GABBR2: variants seen among roughly 807,000 people sequenced by gnomAD.
GABBR2 encodes gamma-aminobutyric acid type B receptor subunit 2.
GABBR2 carries 23 observed loss-of-function variants against 105.6 expected under a neutral mutation model. The ratio of observed to expected loss-of-function variants is 0.22; its 90% CI spans 0.16 to 0.31. The LOEUF (loss-of-function observed/expected upper bound fraction) is 0.31, where lower values mean the gene tolerates loss of function less well. Ranked by LOEUF, GABBR2 falls within the 10% of genes least tolerant of loss-of-function variation. The pLI is 1.00. For missense variants in GABBR2, 734 were observed against 1,245.5 expected (o/e 0.59, Z 6.18); for synonymous variants, 478 against 499.7 (o/e 0.96, Z 0.58).
chr9:98,306,910 T>C lies in GABBR2; in HGVS notation c.2005-565A>G, dbSNP rs1394353734. Among the ~76,000 whole-genome samples, 2 of 152,194 alleles carry C rather than the reference T, an allele frequency of 1.3e-5. No homozygotes were observed. The highest frequency in any genetic ancestry group is 2.9e-5 in the Non-Finnish European group (2 of 68,034). On this transcript the variant is annotated intron_variant, in intron 14 of 18. Coordinates refer to ENST00000259455, the MANE Select transcript of GABBR2 (RefSeq NM_005458.8). This position sits in a 1 kb window ranked among gnomAD's most constrained non-coding sequence, Gnocchi z 5.4. ...TGGCATATTGCTAGCTTCTGGACAA[T>C]GCCTGTAAATAGAAGTGGTGTGCAC...
At chr9:98,566,930 C>T (rs1828759821) in intron 2 of GABBR2, among the ~76,000 whole-genome samples, 1 of 152,040 alleles carries the variant, frequency 6.6e-6, no homozygotes, top group African/African-American at 2.4e-5. Flanking sequence ...TATCTCTCAT[C>T]CCAACCTTAT....
intron 5 of GABBR2, among the ~76,000 whole-genome samples, chr9:98,478,359 T>C (rs555083193): frequency 6.6e-6 from 1 of 152,090 alleles, no homozygotes; most frequent in Non-Finnish European, 1.5e-5. Flanking sequence ...TTGAACAGTC[T>C]CCTTAGGACC....
chr9:98,369,410 G>A (rs1472708580), intron 12 of GABBR2, among the ~76,000 whole-genome samples: 1 of 152,202 alleles, frequency 6.6e-6, no homozygotes, highest in Non-Finnish European at 1.5e-5. Context: ...AGAGGTGGGT[G>A]GGGGGCCTGA....
At chr9:98,684,169 TAAAAAAAAA>T (rs3032196) in intron 1 of GABBR2, among the ~76,000 whole-genome samples, 39 of 66,118 alleles carry the variant, frequency 5.9e-4, no homozygotes, top group African/African-American at 8.8e-4. Context: ...TTTACCACGG[TAAAAAAAAA>T]AAAAAAAAAA....
intron 6 of GABBR2, among the ~76,000 whole-genome samples, chr9:98,470,511 C>T (rs1238428269): frequency 6.6e-6 from 1 of 152,158 alleles, no homozygotes; most frequent in African/African-American, 2.4e-5. Flanking sequence ...AATTATCTCC[C>T]ACCGGGTCCC....
At chr9:98,465,967 T>TGTTCTCATGCTAGTGAGTGC (rs1232325170) in intron 6 of GABBR2, among the ~76,000 whole-genome samples, 1 of 152,230 alleles carries the variant, frequency 6.6e-6, no homozygotes, top group Non-Finnish European at 1.5e-5. Flanking sequence ...TTCCCCTTGC[T>TGTTCTCATGCTAGTGAGTGC]GTTCTCATGC....
chr9:98,362,752 T>C lies in GABBR2; in HGVS notation c.1856A>G (p.Asp619Gly). The change falls in exon 13 of 19, where the codon GAC becomes GGC. Residue 619 changes from aspartate (D) to glycine (G), a missense_variant. Physicochemically the swap from Asp to Gly is moderately conservative, Grantham distance 94. Coordinates refer to ENST00000259455, the MANE Select transcript of GABBR2 (RefSeq NM_005458.8). ...LCILICWQAV[D>G]PLRRTVEKYS... ...CTTCTCCACTGTCCTTCGCAGGGGG[T>C]CCACAGCCTGCCAGCAGATCAGGAT... is the stretch of plus-strand genomic sequence containing the variant. 2 of 1,603,676 alleles carry C rather than the reference T, an allele frequency of 1.2e-6. No individual in the cohort carries two copies. Among genetic ancestry groups the C allele is most frequent in the East Asian group, 2.3e-5 (1 of 44,142 alleles).
At position 98,708,596 on chromosome 9, in the gene GABBR2, G is replaced by T. The variant is rs763768715; in HGVS notation, c.142C>A (p.Arg48=). The T allele has an allele frequency of 6.3e-6, 9 of 1,436,640 alleles. No individual in the cohort carries two copies. Among genetic ancestry groups the T allele is most frequent in the East Asian group, 2.8e-5 (1 of 35,140 alleles). The allele number at this position is 1,436,640 out of a possible 1,614,324, so 89.0% of individuals were successfully genotyped here. The change falls in exon 1 of 19, where the codon CGG becomes AGG. Residue 48 remains arginine, a synonymous_variant. Coordinates refer to ENST00000259455, the MANE Select transcript of GABBR2 (RefSeq NM_005458.8). ...AGCGGCGGGCTGCTGGGCGGCGGCC[G>T]GGGGGCGCCCCGCGCCCAGCCCCAG... ...GAWGWARGAP[R]PPPSSPPLSI...
At chr9:98,619,112 A>T (rs577011241) in intron 1 of GABBR2, among the ~76,000 whole-genome samples, 48 of 152,290 alleles carry the variant, frequency 3.2e-4, no homozygotes, top group African/African-American at 1.1e-3. Flanking sequence ...TATATTTTCA[A>T]TTTTGAGGGT....
At chr9:98,323,550 C>T (rs1422871391) in intron 13 of GABBR2, among the ~76,000 whole-genome samples, 1 of 152,168 alleles carries the variant, frequency 6.6e-6, no homozygotes. Flanking sequence ...GGTGGTTGGC[C>T]TTGGGCTTGG....
chr9:98,649,587 C>G (rs993546214), intron 1 of GABBR2, among the ~76,000 whole-genome samples: 1 of 152,162 alleles, frequency 6.6e-6, no homozygotes, highest in African/African-American at 2.4e-5. Context: ...AAGAAGAATG[C>G]GTTCCTCCTC....
intron 6 of GABBR2, among the ~76,000 whole-genome samples, chr9:98,458,006 G>T (rs1327352219): frequency 1.3e-5 from 2 of 152,186 alleles, no homozygotes; most frequent in African/African-American, 4.8e-5. Flanking sequence ...TTACTGATAG[G>T]TTGGCCTCCA....
At chr9:98,452,581 C>T (rs766232752) in intron 7 of GABBR2, among the ~76,000 whole-genome samples, 14 of 152,190 alleles carry the variant, frequency 9.2e-5, no homozygotes, top group Non-Finnish European at 8.8e-5. Context: ...TTAACAGTAA[C>T]AATAGAATTT....
rs1564026872 is a variant in GABBR2, at chr9:98,349,344, G to GTTTTTTTTTTTTTTTTTTTTTTTTTT, written c.1893+13370_1893+13371insAAAAAAAAAAAAAAAAAAAAAAAAAA. Reference sequence around the variant, plus strand: ...TTTGGTTTGCCAATATTTTGTTGAAGTTTTGTTTTTTTTTTTTTTTTTTTT... The same window carrying GTTTTTTTTTTTTTTTTTTTTTTTTTT: ...TTTGGTTTGCCAATATTTTGTTGAAGTTTTTTTTTTTTTTTTTTTTTTTTTTTTTTGTTTTTTTTTTTTTTTTTTTT... On this transcript the variant is annotated intron_variant, in intron 13 of 18. Transcript: ENST00000259455. Among the ~76,000 whole-genome samples the GTTTTTTTTTTTTTTTTTTTTTTTTTT allele has an allele frequency of 6.6e-5, 7 of 105,504 alleles. 3 individuals carry two copies. The highest frequency in any genetic ancestry group is 8.0e-5 in the African/African-American group (2 of 24,916). The allele number at this position is 105,504 out of a possible 152,430, so 69.2% of individuals were successfully genotyped here.
chr9:98,440,503 C>G (rs958420200), intron 7 of GABBR2, among the ~76,000 whole-genome samples: 2 of 152,088 alleles, frequency 1.3e-5, no homozygotes, highest in African/African-American at 2.4e-5. Context: ...CCCTTATAGT[C>G]CCCCACTTCC....
intron 1 of GABBR2, among the ~76,000 whole-genome samples, chr9:98,692,272 C>T (rs1160623814): frequency 6.6e-6 from 1 of 152,144 alleles, no homozygotes; most frequent in African/African-American, 2.4e-5. Flanking sequence ...AAGCTTGCTC[C>T]TGAATGGAAC....
intron 7 of GABBR2, among the ~76,000 whole-genome samples, chr9:98,452,801 AATAAATATTAAAAGG>A (rs1169110769): frequency 1.3e-5 from 2 of 152,242 alleles, no homozygotes; most frequent in African/African-American, 4.8e-5. Context: ...TAGCTTGCTT[AATAAATATTAAAAGG>A]TTGTATTATG....
At chr9:98,655,495 AC>A (rs1266425288) in intron 1 of GABBR2, among the ~76,000 whole-genome samples, 1 of 152,176 alleles carries the variant, frequency 6.6e-6, no homozygotes, top group Non-Finnish European at 1.5e-5. Flanking sequence ...TCCATGTGGG[AC>A]CTTAAGAGTG....
chr9:98,540,315 C>T (rs1488956490), intron 3 of GABBR2, among the ~76,000 whole-genome samples: 2 of 152,202 alleles, frequency 1.3e-5, no homozygotes, highest in Admixed American at 6.5e-5. Flanking sequence ...TTACAGTTTA[C>T]GAAGCTCTTT....
Sources: gnomAD v4.1 joint callset for allele counts (sites outside exome capture counted in the v4.1 genomes callset) on GRCh38, gnomAD v4.1.1 for gene constraint, Gnocchi (gnomAD v3.1) non-coding constraint, MANE v1.5 for transcripts, NCBI Gene and HGNC (gene_info 2026-07-23, HGNC 2026-07-21) for gene names.